The following MEF2A variants were observed in gnomAD, a reference collection of about 807,000 sequenced individuals.
The protein encoded by MEF2A is myocyte-specific enhancer factor 2A.
Under a neutral mutation model 55.8 loss-of-function variants are expected in MEF2A, and 28 were observed. The ratio of observed to expected loss-of-function variants is 0.50; its 90% confidence interval spans 0.37 to 0.69. The LOEUF is 0.69. Ranked by LOEUF, MEF2A falls within the 30% of genes least tolerant of loss-of-function variation. The pLI is 0.00. For synonymous variants in MEF2A, 239 were observed against 227.1 expected (o/e 1.05, Z -0.47); for missense variants, 528 against 626.2 (o/e 0.84, Z 1.67).
At chr15:99,623,268 A>T (rs746669943) in intron 2 of MEF2A, among the ~76,000 whole-genome samples, 1 of 152,140 alleles carries the variant, frequency 6.6e-6, no homozygotes, top group Non-Finnish European at 1.5e-5. Flanking sequence ...ATAATATTCT[A>T]TTGTATGTAT....
chr15:99,631,789 A>G (rs1220926934), intron 2 of MEF2A, among the ~76,000 whole-genome samples: 3 of 152,186 alleles, frequency 2.0e-5, no homozygotes, highest in African/African-American at 7.2e-5. Flanking sequence ...AAATAAAATA[A>G]TGAGGGAAGA....
intron 7 of MEF2A, 81 bp downstream of exon 7, chr15:99,675,539 T>G: frequency 7.9e-7 from 1 of 1,263,482 alleles, no homozygotes; most frequent in Non-Finnish European, 1.1e-6. Context: ...AAATAAAGCT[T>G]TCTGGGAAAT....
At chr15:99,643,418 ATCT>A (rs2045378211) in intron 3 of MEF2A, among the ~76,000 whole-genome samples, 1 of 152,078 alleles carries the variant, frequency 6.6e-6, no homozygotes, top group Non-Finnish European at 1.5e-5. Flanking sequence ...TTATAATCTA[ATCT>A]TCTAGGCATA....
At chr15:99,705,269 A>T (rs1331182753) in intron 9 of MEF2A, among the ~76,000 whole-genome samples, 1 of 152,246 alleles carries the variant, frequency 6.6e-6, no homozygotes, top group African/African-American at 2.4e-5. Flanking sequence ...TAGGCTATGG[A>T]TTAGAAGGAA....
chr15:99,663,653 A>G (rs1236586938), intron 4 of MEF2A, among the ~76,000 whole-genome samples: 1 of 152,156 alleles, frequency 6.6e-6, no homozygotes, highest in Non-Finnish European at 1.5e-5. Context: ...AGTATTTAAC[A>G]TGAAAGAGCA....
chr15:99,612,343 G>T (rs769170845), intron 2 of MEF2A, among the ~76,000 whole-genome samples: 4 of 148,424 alleles, frequency 2.7e-5, no homozygotes, highest in Non-Finnish European at 4.5e-5. Context: ...CATGAACCCG[G>T]GAGGCGGAGC....
chr15:99,708,551 TC>T (rs1397893979), intron 10 of MEF2A, among the ~76,000 whole-genome samples: 1 of 152,238 alleles, frequency 6.6e-6, no homozygotes, highest in African/African-American at 2.4e-5. Context: ...ACCGACTTTA[TC>T]TTTCTTCTCT....
At chr15:99,653,706 A>T (rs1020419336) in intron 4 of MEF2A, among the ~76,000 whole-genome samples, 2 of 152,168 alleles carry the variant, frequency 1.3e-5, no homozygotes, top group African/African-American at 4.8e-5. Context: ...TATTGTTTTT[A>T]AAATGTTAGT....
chr15:99,606,860 G>C (rs1158964821), intron 2 of MEF2A, among the ~76,000 whole-genome samples: 1 of 152,142 alleles, frequency 6.6e-6, no homozygotes, highest in African/African-American at 2.4e-5. Flanking sequence ...ACATGTGTGT[G>C]GAGGGATGTG....
intron 8 of MEF2A, among the ~76,000 whole-genome samples, chr15:99,692,703 G>T (rs773345501): frequency 1.3e-5 from 2 of 152,158 alleles, no homozygotes; most frequent in Non-Finnish European, 2.9e-5. Flanking sequence ...AAAAGGTCTC[G>T]CTGTGGTACA....
intron 1 of MEF2A, among the ~76,000 whole-genome samples, chr15:99,588,644 A>G (rs774550156): frequency 7.9e-5 from 11 of 139,062 alleles, no homozygotes; most frequent in Admixed American, 1.4e-4. Flanking sequence ...GGGTTTCTCT[A>G]TGTTGCCCAG....
At chr15:99,573,309 A>T (rs1171796956) in intron 1 of MEF2A, among the ~76,000 whole-genome samples, 1 of 149,148 alleles carries the variant, frequency 6.7e-6, no homozygotes, top group Non-Finnish European at 1.5e-5. Context: ...AAAAAAAAAG[A>T]AGTTGTCCTA....
At chr15:99,691,783 C>G (rs182267316) in intron 8 of MEF2A, among the ~76,000 whole-genome samples, 3 of 152,186 alleles carry the variant, frequency 2.0e-5, no homozygotes, top group Admixed American at 1.3e-4. Flanking sequence ...GAGTTATTCT[C>G]CAATTAATTT....
chr15:99,657,365 A>T (rs1249606612), intron 4 of MEF2A: 1 of 151,996 alleles, frequency 6.6e-6, no homozygotes, highest in Non-Finnish European at 1.5e-5. Flanking sequence ...TATGGATATT[A>T]TTAGAAAATG....
chr15:99,693,447 A>G (rs1316796395), intron 8 of MEF2A, among the ~76,000 whole-genome samples: 3 of 152,114 alleles, frequency 2.0e-5, no homozygotes, highest in African/African-American at 7.2e-5. Context: ...AGATGTATGC[A>G]CGCACACACA....
intron 4 of MEF2A, among the ~76,000 whole-genome samples, chr15:99,664,189 G>C (rs969323634): frequency 1.3e-5 from 2 of 152,158 alleles, no homozygotes; most frequent in African/African-American, 4.8e-5. Flanking sequence ...GACTAATAAT[G>C]TGTTACCTAA....
intron 2 of MEF2A, among the ~76,000 whole-genome samples, chr15:99,627,506 G>C (rs2042243301): frequency 6.7e-6 from 1 of 148,958 alleles, no homozygotes; most frequent in Non-Finnish European, 1.5e-5. Context: ...TTTATATATA[G>C]GCATACCCTG....
intron 2 of MEF2A, among the ~76,000 whole-genome samples, chr15:99,606,966 G>A (rs1975381170): frequency 6.6e-6 from 1 of 152,128 alleles, no homozygotes; most frequent in African/African-American, 2.4e-5. Context: ...CATTCATACA[G>A]TGGAGTACTT....
intron 8 of MEF2A, among the ~76,000 whole-genome samples, chr15:99,695,731 C>T (rs1013521746): frequency 1.3e-5 from 2 of 151,958 alleles, no homozygotes; most frequent in African/African-American, 2.4e-5. Flanking sequence ...TGGTAGCACA[C>T]GTCTGTAATC....
Sources: allele counts gnomAD v4.1 joint callset (sites outside exome capture counted in the v4.1 genomes callset), GRCh38; gene constraint gnomAD v4.1.1; transcripts MANE v1.5; gene names NCBI Gene and HGNC (gene_info 2026-07-23, HGNC 2026-07-21).